The following KIF26B variants were observed in gnomAD, a reference collection of about 807,000 sequenced individuals.
KIF26B encodes kinesin-like protein KIF26B.
A neutral mutation model predicts 151.2 loss-of-function variants in KIF26B; 63 were observed. The ratio of observed to expected loss-of-function variants is 0.42; its 90% CI spans 0.34 to 0.51. The LOEUF (loss-of-function observed/expected upper bound fraction) is 0.51, where lower values mean the gene tolerates loss of function less well. Among genes scored for constraint, KIF26B ranks in the 20% least tolerant of loss-of-function variants. The probability of loss-of-function intolerance (pLI) is 0.07; values close to 1 mark genes in which losing one functional copy is unlikely to be tolerated. For synonymous variants in KIF26B, 1,357 were observed against 1,262.1 expected, an observed-to-expected ratio of 1.08 and a Z score of -1.59; for missense variants, 2,813 against 2,913.6, an observed-to-expected ratio of 0.97 and a Z score of 0.79.
chr1:245,508,709 AGCTT>A (rs1232595970), intron 4 of KIF26B, among the ~76,000 whole-genome samples: 2 of 152,192 alleles, frequency 1.3e-5, no homozygotes. Flanking sequence ...TACTTTGAGC[AGCTT>A]ATCTCTGTTT....
At chr1:245,677,643 ACAAGGC>A (rs1303292281) in intron 10 of KIF26B, among the ~76,000 whole-genome samples, 6 of 152,260 alleles carry the variant, frequency 3.9e-5, no homozygotes, top group African/African-American at 1.4e-4. Context: ...TGTTGCCAAG[ACAAGGC>A]CACTTCTGCA....
At position 245,233,584 on chromosome 1, in the gene KIF26B, T is replaced by TAG. The variant is rs557746494; in HGVS notation, c.465+76902_465+76903dup. 9.2e-4 allele frequency among the ~76,000 whole-genome samples: 140 copies of TAG among 152,302 alleles called. 1 individual carries two copies. Among genetic ancestry groups the TAG allele is most frequent in the African/African-American group, 3.2e-3 (135 of 41,568 alleles). ...AAGTGTGAGAAACACTGCAGACTCTTAGTGTCCAGCTAGAACAAGATTGAT... is the reference window on the plus strand; with the variant it reads ...AAGTGTGAGAAACACTGCAGACTCTTAGAGTGTCCAGCTAGAACAAGATTGAT... On this transcript the variant is annotated intron_variant, in intron 2 of 14. Transcript: ENST00000407071.
intron 3 of KIF26B, among the ~76,000 whole-genome samples, chr1:245,419,180 G>A (rs73132070): frequency 0.058 from 8,774 of 152,120 alleles, 847 homozygotes; most frequent in African/African-American, 0.2. Flanking sequence ...ATAGAACTAT[G>A]CCTTTGCCCC....
chr1:245,499,482 G>T (rs1384723141), intron 4 of KIF26B, among the ~76,000 whole-genome samples: 2 of 152,208 alleles, frequency 1.3e-5, no homozygotes, highest in Non-Finnish European at 2.9e-5. Context: ...GTGAGGTAGA[G>T]ATTATTATCT....
chr1:245,594,821 G>C (rs2043324011), intron 5 of KIF26B, among the ~76,000 whole-genome samples: 1 of 152,132 alleles, frequency 6.6e-6, no homozygotes, highest in Admixed American at 6.5e-5. Flanking sequence ...TTTTCCATTT[G>C]TTTGTGTCCT....
chr1:245,443,464 G>T (rs1470390608), intron 4 of KIF26B, among the ~76,000 whole-genome samples: 4 of 96,804 alleles, frequency 4.1e-5, no homozygotes, highest in Admixed American at 1.1e-4. Flanking sequence ...CACCTAGAGC[G>T]GTCATCTCCC....
At chr1:245,310,161 C>A (rs748655493) in intron 2 of KIF26B, among the ~76,000 whole-genome samples, 22 of 149,176 alleles carry the variant, frequency 1.5e-4, no homozygotes, top group African/African-American at 3.2e-4. Context: ...CAATAAATAT[C>A]TCTCTCTCAC....
chr1:245,475,125 C>A (rs1319097857), intron 4 of KIF26B, among the ~76,000 whole-genome samples: 3 of 151,814 alleles, frequency 2.0e-5, no homozygotes, highest in Admixed American at 2.0e-4. Context: ...TGACAAACAG[C>A]TCTGTCCGTA....
intron 2 of KIF26B, among the ~76,000 whole-genome samples, chr1:245,324,771 C>A (rs72761137): frequency 6.6e-6 from 1 of 151,810 alleles, no homozygotes; most frequent in Admixed American, 6.6e-5. Flanking sequence ...CTTGTTAACA[C>A]GGCAGGACAA....
At chr1:245,418,108 A>T (rs1405576320) in intron 3 of KIF26B, among the ~76,000 whole-genome samples, 3 of 152,332 alleles carry the variant, frequency 2.0e-5, no homozygotes, top group Non-Finnish European at 4.4e-5. Flanking sequence ...GCATCGCCAC[A>T]TCCTCAGCTT....
rs974363070 is a variant in KIF26B at position 245,333,509 on chromosome 1, G to A, written c.466-33325G>A. On this transcript the variant is annotated intron_variant, in intron 2 of 14. Coordinates refer to ENST00000407071, the MANE Select transcript of KIF26B (RefSeq NM_018012.4). ...GTTTCAGTTTGGGAAGATGCAGAGCGTTCTGGAGGTGGGCGGTGGTGACGG... is the reference window on the plus strand; with the variant it reads ...GTTTCAGTTTGGGAAGATGCAGAGCATTCTGGAGGTGGGCGGTGGTGACGG... 2.6e-5 allele frequency among the ~76,000 whole-genome samples: 4 copies of A among 152,214 alleles called. No individual in the cohort carries two copies. In the South Asian group the frequency reaches 6.2e-4, roughly 24 times the overall value.
chr1:245,541,044 A>G (rs1248255338), intron 5 of KIF26B, 94 bp downstream of exon 5: 1 of 1,036,158 alleles, frequency 9.7e-7, no homozygotes, highest in African/African-American at 1.6e-5. Context: ...ATGTATTAAA[A>G]TAAGACGTTG....
chr1:245,517,865 T>A (rs532599246), intron 4 of KIF26B, among the ~76,000 whole-genome samples: 36 of 145,454 alleles, frequency 2.5e-4, no homozygotes, highest in Admixed American at 5.0e-4. Flanking sequence ...AATGGTGTCA[T>A]GTAATTTTTT....
chr1:245,629,200 C>G (rs1211966983), intron 9 of KIF26B, among the ~76,000 whole-genome samples: 1 of 152,116 alleles, frequency 6.6e-6, no homozygotes, highest in African/African-American at 2.4e-5. Flanking sequence ...CAGTGCTATT[C>G]CCATCAAACT....
intron 5 of KIF26B, among the ~76,000 whole-genome samples, chr1:245,579,216 C>T (rs2043151662): frequency 6.6e-6 from 1 of 152,134 alleles, no homozygotes; most frequent in African/African-American, 2.4e-5. Context: ...GTGTGTGGAT[C>T]ACAATGCTTT....
At chr1:245,276,806 A>T (rs1357446121) in intron 2 of KIF26B, among the ~76,000 whole-genome samples, 2 of 152,130 alleles carry the variant, frequency 1.3e-5, no homozygotes, top group East Asian at 3.9e-4. Context: ...ATTTTTGTTG[A>T]ATTGCTGTCT....
intron 2 of KIF26B, among the ~76,000 whole-genome samples, chr1:245,221,850 A>G (rs1193085361): frequency 6.6e-6 from 1 of 152,246 alleles, no homozygotes; most frequent in African/African-American, 2.4e-5. Context: ...CCTTTAAAGT[A>G]TAGAGAAGTC....
intron 3 of KIF26B, among the ~76,000 whole-genome samples, chr1:245,416,057 G>A (rs1344707339): frequency 5.3e-5 from 8 of 150,096 alleles, no homozygotes; most frequent in Non-Finnish European, 8.9e-5. Flanking sequence ...ACCTGAGGTC[G>A]GGAGTTCGAG....
chr1:245,347,452 C>T (rs531290637), intron 2 of KIF26B, among the ~76,000 whole-genome samples: 10 of 152,042 alleles, frequency 6.6e-5, no homozygotes, highest in Non-Finnish European at 1.2e-4. Context: ...TCCAAAGTAG[C>T]TGGTATTACA....
Sources: gnomAD v4.1 joint callset for allele counts (sites outside exome capture counted in the v4.1 genomes callset) on GRCh38, gnomAD v4.1.1 for gene constraint, MANE v1.5 for transcripts, NCBI Gene and HGNC (gene_info 2026-07-23, HGNC 2026-07-21) for gene names.